The following SMG6 variants were observed in gnomAD, a reference collection of about 807,000 sequenced individuals.
SMG6 encodes the protein telomerase-binding protein EST1A.
A neutral mutation model predicts 142.2 loss-of-function variants in SMG6; 66 were observed. The ratio of observed to expected loss-of-function variants is 0.46; its 90% CI spans 0.38 to 0.57. SMG6 has a LOEUF of 0.57. Among genes scored for constraint, SMG6 ranks in the 20% least tolerant of loss-of-function variants. The pLI is 0.00. For synonymous variants in SMG6, 779 were observed against 702.4 expected, an observed-to-expected ratio of 1.11 and a Z score of -1.72; for missense variants, 1,793 against 1,832.0, an observed-to-expected ratio of 0.98 and a Z score of 0.39.
chr17:2,226,312 T>C lies in SMG6; in HGVS notation c.2869+10180A>G, dbSNP rs1306214398. Among the ~76,000 whole-genome samples, 4 of 148,190 alleles carry C rather than the reference T, an allele frequency of 2.7e-5. No individual in the cohort carries two copies. In the Admixed American group the frequency reaches 2.7e-4, roughly 10 times the overall value. Reference sequence around the variant, plus strand: ...AAAAAAGAAAAAAAAGAGCCGGGCGTAGTGGCTCCTGTAATCCCAGGACTC... The same window carrying C: ...AAAAAAGAAAAAAAAGAGCCGGGCGCAGTGGCTCCTGTAATCCCAGGACTC... On this transcript the variant is annotated intron_variant, in intron 10 of 18. Coordinates refer to ENST00000263073, the MANE Select transcript of SMG6 (RefSeq NM_017575.5).
chr17:2,123,655 A>G (rs1196393695), intron 13 of SMG6, among the ~76,000 whole-genome samples: 1 of 152,148 alleles, frequency 6.6e-6, no homozygotes, highest in East Asian at 1.9e-4. Flanking sequence ...AAGACTACTA[A>G]GCTCTCTCCC....
At chr17:2,181,031 A>AG (rs2071790288) in intron 12 of SMG6, among the ~76,000 whole-genome samples, 1 of 152,168 alleles carries the variant, frequency 6.6e-6, no homozygotes, top group African/African-American at 2.4e-5. Flanking sequence ...TACAAGCGTC[A>AG]GGGGGGTTAC....
intron 8 of SMG6, among the ~76,000 whole-genome samples, chr17:2,264,201 G>C (rs966932359): frequency 7.2e-5 from 11 of 152,164 alleles, no homozygotes; most frequent in Non-Finnish European, 1.3e-4. Flanking sequence ...CCTAAGGGAC[G>C]ATTTATAGTA....
chr17:2,233,128 T>A (rs2073546930), intron 10 of SMG6: 1 of 152,204 alleles, frequency 6.6e-6, no homozygotes, highest in Admixed American at 6.5e-5. Context: ...GGACACACTT[T>A]TAGAGAAAGG....
chr17:2,279,789 C>T (rs1401632605), intron 8 of SMG6, among the ~76,000 whole-genome samples: 1 of 152,154 alleles, frequency 6.6e-6, no homozygotes, highest in Non-Finnish European at 1.5e-5. Context: ...TAGACTCCAG[C>T]CATACTGAAC....
chr17:2,106,677 G>A (rs1004742675), intron 13 of SMG6, among the ~76,000 whole-genome samples: 2 of 152,074 alleles, frequency 1.3e-5, no homozygotes, highest in African/African-American at 2.4e-5. Flanking sequence ...ACATGAAGGG[G>A]GCAAAGCTTA....
At chr17:2,091,740 G>A (rs1248131962) in intron 13 of SMG6, among the ~76,000 whole-genome samples, 1 of 150,482 alleles carries the variant, frequency 6.6e-6, no homozygotes, top group African/African-American at 2.5e-5. Context: ...GTGCGATCTC[G>A]GCTCACTGCA....
intron 13 of SMG6, among the ~76,000 whole-genome samples, chr17:2,149,211 G>A (rs376196054): frequency 3.8e-4 from 57 of 151,842 alleles, no homozygotes; most frequent in South Asian, 2.3e-3. Context: ...TTAGCCGGGC[G>A]TGGTGGCACA....
Position 2,303,757 on chromosome 17 carries a change from A to G in SMG6, c.-37T>C, listed in dbSNP as rs1298611091. The stretch of plus-strand genomic sequence containing the variant: ...CTGCTACAGCCGTAGCGGCTCCGCC[A>G]CCGCCGCGCGCAGCCAGGAAACCAC... On this transcript the variant is annotated 5_prime_UTR_variant, in exon 1 of 19. Transcript: ENST00000263073. 2.0e-6 allele frequency: 3 copies of G among 1,472,836 alleles called. No homozygotes were observed. Among genetic ancestry groups the G allele is most frequent in the Admixed American group, 2.4e-5 (1 of 42,510 alleles). 91.2% of individuals were successfully genotyped at this position (1,472,836 alleles called of 1,614,324 possible).
At chr17:2,160,519 T>C (rs2071143958) in intron 13 of SMG6, among the ~76,000 whole-genome samples, 1 of 152,108 alleles carries the variant, frequency 6.6e-6, no homozygotes, top group African/African-American at 2.4e-5. Flanking sequence ...GCGCCTGGCC[T>C]TCAATTGTTT....
chr17:2,076,476 G>C (rs1046128144), intron 15 of SMG6, among the ~76,000 whole-genome samples: 1 of 152,168 alleles, frequency 6.6e-6, no homozygotes, highest in African/African-American at 2.4e-5. Context: ...GGTTAGCATG[G>C]GTTTGGAGCA....
Position 2,068,831 on chromosome 17 carries a change from C to G in SMG6, c.3782G>C (p.Ser1261Thr). Residue 1261 changes from serine to threonine, a missense_variant, in exon 16 of 19, where the codon AGT becomes ACT. Around this residue, in one of 3 missense-constraint regions of SMG6, gnomAD observed 17 missense variants for 34.7 expected, o/e 0.49. Coordinates refer to ENST00000263073, the MANE Select transcript of SMG6 (RefSeq NM_017575.5). This position sits in a 1 kb window ranked among gnomAD's most constrained non-coding sequence, Gnocchi z 6.7. Reference protein sequence around the residue: ...DTNGFIDHLASLARLLESRKY... With the variant: ...DTNGFIDHLATLARLLESRKY... ...CCTGCTCTCCAGCAGCCGCGCCAGA[C>G]TGGCCAGGTGGTCAATGAAGCCGTT... 1 of 1,614,222 alleles carries G rather than the reference C, an allele frequency of 6.2e-7. No individual in the cohort carries two copies. Among genetic ancestry groups the G allele is most frequent in the Non-Finnish European group, 8.5e-7 (1 of 1,180,032 alleles).
rs962431491 is a variant in SMG6, at chr17:2,292,882, C to T, written c.2247G>A (p.Gly749=). Residue 749 remains glycine, a synonymous_variant, in exon 5 of 19, where the codon GGG becomes GGA. Coordinates refer to ENST00000263073, the MANE Select transcript of SMG6 (RefSeq NM_017575.5). ...AGAGGTAAAAGTACCTGCGTGCTTTCCCATAATTCGCTGTATCACTGGCTT... is the reference window on the plus strand; with the variant it reads ...AGAGGTAAAAGTACCTGCGTGCTTTTCCATAATTCGCTGTATCACTGGCTT... ...REQASDTANY[G]KARSWYLKAQ... The T allele has an allele frequency of 6.2e-7, 1 of 1,613,672 alleles. No homozygotes were observed. Among genetic ancestry groups the T allele is most frequent in the African/African-American group, 1.3e-5 (1 of 74,882 alleles).
intron 12 of SMG6, among the ~76,000 whole-genome samples, chr17:2,181,487 T>C (rs2071804787): frequency 6.6e-6 from 1 of 152,236 alleles, no homozygotes; most frequent in African/African-American, 2.4e-5. Flanking sequence ...CAGAAGGAGA[T>C]GTTTTTCTCT....
chr17:2,248,799 A>G (rs1332700208), intron 8 of SMG6, among the ~76,000 whole-genome samples: 1 of 152,248 alleles, frequency 6.6e-6, no homozygotes, highest in African/African-American at 2.4e-5. Context: ...ATGAAGGAGC[A>G]GATTTGTTAC....
chr17:2,135,534 GCTGT>G (rs1355836659), intron 13 of SMG6, among the ~76,000 whole-genome samples: 3 of 152,022 alleles, frequency 2.0e-5, no homozygotes, highest in Non-Finnish European at 1.5e-5. Context: ...ACAAAGCAAA[GCTGT>G]CTAAGAGAAC....
At chr17:2,297,523 ACAGT>A (rs941418763) in intron 3 of SMG6, among the ~76,000 whole-genome samples, 170 bp from the exon 4 acceptor site, 1 of 152,144 alleles carries the variant, frequency 6.6e-6, no homozygotes, top group African/African-American at 2.4e-5. Flanking sequence ...AGGCAAATTC[ACAGT>A]CAAAGCCTCC....
At chr17:2,074,035 T>C (rs2068189184) in intron 15 of SMG6, among the ~76,000 whole-genome samples, 1 of 151,772 alleles carries the variant, frequency 6.6e-6, no homozygotes. Flanking sequence ...GCCGAGACCA[T>C]GCCACTGCAC....
At chr17:2,166,802 A>C (rs2071351686) in intron 13 of SMG6, among the ~76,000 whole-genome samples, 1 of 152,150 alleles carries the variant, frequency 6.6e-6, no homozygotes, top group African/African-American at 2.4e-5. Context: ...AAGTATGCTA[A>C]ATGAAAAATG....
Sources: gnomAD v4.1 joint callset for allele counts (sites outside exome capture counted in the v4.1 genomes callset) on GRCh38, gnomAD v4.1.1 for gene constraint, gnomAD v4.1.1 regional missense constraint, Gnocchi (gnomAD v3.1) non-coding constraint, MANE v1.5 for transcripts, NCBI Gene and HGNC (gene_info 2026-07-23, HGNC 2026-07-21) for gene names.